CDH13: variants seen among roughly 807,000 people sequenced by gnomAD.
CDH13 encodes the protein cadherin 13.
Under a neutral mutation model 63.8 loss-of-function variants are expected in CDH13, and 24 were observed. The observed-to-expected ratio is 0.38, with a 90% confidence interval of 0.27 to 0.53. CDH13 has a LOEUF of 0.53. Ranked by LOEUF, CDH13 falls within the 20% of genes least tolerant of loss-of-function variation. CDH13 has a pLI of 0.85. For synonymous variants in CDH13, 503 were observed against 355.3 expected (o/e 1.42, Z -4.67); for missense variants, 1,049 against 903.1 (o/e 1.16, Z -2.07).
At chr16:82,901,208 T>A (rs993540345) in intron 2 of CDH13, among the ~76,000 whole-genome samples, 1 of 152,116 alleles carries the variant, frequency 6.6e-6, no homozygotes, top group African/African-American at 2.4e-5. Flanking sequence ...GTCTTCTTGC[T>A]CTCATCACAG....
chr16:83,593,355 T>C (rs1385217900), intron 7 of CDH13, among the ~76,000 whole-genome samples: 2 of 152,194 alleles, frequency 1.3e-5, no homozygotes. Context: ...TAGAGCAGCA[T>C]GTGTGTGCTG....
intron 5 of CDH13, among the ~76,000 whole-genome samples, chr16:83,234,457 A>G (rs964281904): frequency 6.6e-6 from 1 of 152,152 alleles, no homozygotes; most frequent in Non-Finnish European, 1.5e-5. Flanking sequence ...GGTAATTGAT[A>G]ACGCAGGGTC....
chr16:82,971,746 A>C (rs566265719), intron 2 of CDH13, among the ~76,000 whole-genome samples: 17 of 152,346 alleles, frequency 1.1e-4, no homozygotes, highest in African/African-American at 4.1e-4. Context: ...ATTAAATGTA[A>C]AAAAACACAA....
At chr16:82,909,600 G>A (rs916320262) in intron 2 of CDH13, among the ~76,000 whole-genome samples, 34 of 152,108 alleles carry the variant, frequency 2.2e-4, no homozygotes, top group African/African-American at 7.2e-4. Flanking sequence ...GAGGAGCAAC[G>A]TCACATCTTT....
intron 1 of CDH13, among the ~76,000 whole-genome samples, chr16:82,831,536 A>G (rs2038540564): frequency 6.6e-6 from 1 of 152,182 alleles, no homozygotes; most frequent in Non-Finnish European, 1.5e-5. Flanking sequence ...ACAATGACAC[A>G]AAGATTTCCT....
intron 2 of CDH13, among the ~76,000 whole-genome samples, chr16:82,924,672 T>C (rs2151285946): frequency 6.6e-6 from 1 of 152,322 alleles, no homozygotes; most frequent in East Asian, 1.9e-4. Context: ...GTTACCGTTA[T>C]CAATCTGGAA....
chr16:83,318,976 C>A (rs1023928593), intron 5 of CDH13, among the ~76,000 whole-genome samples: 13 of 151,152 alleles, frequency 8.6e-5, no homozygotes, highest in African/African-American at 3.1e-4. Flanking sequence ...ATAATTCAAT[C>A]ATTATTCATT....
chr16:83,429,758 G>A (rs894668772), intron 6 of CDH13, among the ~76,000 whole-genome samples: 7 of 152,054 alleles, frequency 4.6e-5, no homozygotes, highest in African/African-American at 1.4e-4. Context: ...CATGAACCAC[G>A]TTTTTATTTT....
intron 3 of CDH13, among the ~76,000 whole-genome samples, chr16:83,092,702 G>A (rs369555125): frequency 6.6e-6 from 1 of 151,998 alleles, no homozygotes. Flanking sequence ...TGAGTTGTTG[G>A]AAATTCAGGT....
At chr16:83,563,967 T>C (rs1325208371) in intron 7 of CDH13, among the ~76,000 whole-genome samples, 1 of 152,170 alleles carries the variant, frequency 6.6e-6, no homozygotes, top group Non-Finnish European at 1.5e-5. Context: ...CTTCACAGCC[T>C]GCCTGTATGA....
chr16:83,573,562 T>C (rs1235537325), intron 7 of CDH13, among the ~76,000 whole-genome samples: 3 of 152,176 alleles, frequency 2.0e-5, no homozygotes, highest in African/African-American at 7.2e-5. Context: ...AGATATAACC[T>C]TGGGATCCTA....
intron 2 of CDH13, among the ~76,000 whole-genome samples, chr16:82,864,196 A>G (rs1467600735): frequency 6.6e-6 from 1 of 152,100 alleles, no homozygotes; most frequent in Non-Finnish European, 1.5e-5. Context: ...TGAAGTTTTA[A>G]TATGTCGTTG....
chr16:83,235,724 G>A (rs1306092464), intron 5 of CDH13, among the ~76,000 whole-genome samples: 1 of 151,860 alleles, frequency 6.6e-6, no homozygotes, highest in Non-Finnish European at 1.5e-5. Context: ...TGAAAATTAT[G>A]TAGATATTAT....
chr16:83,602,279 A>G (rs1907920115), intron 7 of CDH13, among the ~76,000 whole-genome samples, 175 bp from the exon 8 acceptor site: 1 of 152,102 alleles, frequency 6.6e-6, no homozygotes, highest in African/African-American at 2.4e-5. Flanking sequence ...TCTTATATTG[A>G]AGAGATTCCA....
At chr16:83,648,119 A>C (rs1912010883) in intron 8 of CDH13, among the ~76,000 whole-genome samples, 1 of 152,150 alleles carries the variant, frequency 6.6e-6, no homozygotes, top group South Asian at 2.1e-4. Flanking sequence ...GCAACAAAGC[A>C]GGAGTTAAGG....
intron 1 of CDH13, among the ~76,000 whole-genome samples, chr16:82,680,620 T>C (rs147453437): frequency 7.3e-4 from 111 of 152,210 alleles, no homozygotes; most frequent in African/African-American, 2.6e-3. Context: ...ATTATATTAC[T>C]CCCCATCCCT....
chr16:83,329,498 A>C (rs934665587), intron 5 of CDH13, among the ~76,000 whole-genome samples: 1 of 152,044 alleles, frequency 6.6e-6, no homozygotes, highest in Admixed American at 6.6e-5. Context: ...CGATCTCCCA[A>C]AGTGCCGGGA....
chr16:82,756,849 C>A (rs1342021522), intron 1 of CDH13, among the ~76,000 whole-genome samples: 1 of 152,150 alleles, frequency 6.6e-6, no homozygotes, highest in Non-Finnish European at 1.5e-5. Context: ...ATGACTATCA[C>A]CTTGTCATTA....
At chr16:82,669,730 G>T (rs28722959) in intron 1 of CDH13, among the ~76,000 whole-genome samples, 1 of 152,168 alleles carries the variant, frequency 6.6e-6, no homozygotes, top group Non-Finnish European at 1.5e-5. Context: ...GATCAATTAA[G>T]CATATATAAT....
Sources: allele counts gnomAD v4.1 joint callset (sites outside exome capture counted in the v4.1 genomes callset), GRCh38; gene constraint gnomAD v4.1.1; transcripts MANE v1.5; gene names NCBI Gene and HGNC (gene_info 2026-07-23, HGNC 2026-07-21).